ENPP6: variants seen among roughly 807,000 people sequenced by gnomAD.
ENPP6 encodes glycerophosphocholine cholinephosphodiesterase ENPP6.
In ENPP6, 32 loss-of-function variants were observed where a neutral mutation model predicts 42.0. The observed-to-expected ratio is 0.76, with a 90% CI of 0.58 to 1.02. ENPP6 has a LOEUF of 1.02. Ranked by LOEUF, ENPP6 falls within the 50% of genes least tolerant of loss-of-function variation. The probability of loss-of-function intolerance (pLI) is 0.00; values close to 1 mark genes in which losing one functional copy is unlikely to be tolerated. For missense variants in ENPP6, 552 were observed against 566.8 expected, an observed-to-expected ratio of 0.97 and a Z score of 0.27; for synonymous variants, 213 against 216.0, an observed-to-expected ratio of 0.99 and a Z score of 0.12.
chr4:184,116,988 G>A lies in ENPP6; in HGVS notation c.723C>T (p.His241=), dbSNP rs763148512. ...DRLNVIIFSD[H]GMTDIFWMDK... is the part of the protein sequence containing the mutation. ...CCATCCAGAAAATGTCGGTCATTCC[G>A]TGATCCGAGAAAATAATGACGTTCA... Residue 241 remains histidine, a synonymous_variant, in exon 5 of 8, where the codon CAC becomes CAT. Coordinates refer to ENST00000296741, the MANE Select transcript of ENPP6 (RefSeq NM_153343.4). 21 of 1,614,050 alleles carry A rather than the reference G, an allele frequency of 1.3e-5. No homozygotes were observed. The highest frequency in any genetic ancestry group is 1.6e-4 in the Middle Eastern group (1 of 6,084).
intron 2 of ENPP6, among the ~76,000 whole-genome samples, chr4:184,131,140 ACTTTCTTT>A (rs1171459794): frequency 0.018 from 2,238 of 121,670 alleles, 68 homozygotes; most frequent in African/African-American, 0.022. Flanking sequence ...ACCAGCACTT[ACTTTCTTT>A]CTTTCTTTCT....
intron 6 of ENPP6, among the ~76,000 whole-genome samples, chr4:184,107,290 G>A (rs1334961184): frequency 6.6e-6 from 1 of 152,264 alleles, no homozygotes; most frequent in Non-Finnish European, 1.5e-5. Flanking sequence ...TGGCTGGGGT[G>A]ACGGGCTCAG....
intron 1 of ENPP6, among the ~76,000 whole-genome samples, chr4:184,206,440 T>C (rs530129057): frequency 7.6e-6 from 1 of 132,340 alleles, no homozygotes; most frequent in Admixed American, 7.8e-5. Flanking sequence ...GTATTTTTAG[T>C]AGAGACGGGG....
intron 1 of ENPP6, among the ~76,000 whole-genome samples, chr4:184,182,452 C>T (rs59518043): frequency 0.049 from 7,427 of 152,140 alleles, 539 homozygotes; most frequent in African/African-American, 0.17. Flanking sequence ...GATAGTGTGG[C>T]GATTCTCCAA....
intron 1 of ENPP6, among the ~76,000 whole-genome samples, chr4:184,180,371 T>C (rs1732532736): frequency 6.6e-6 from 1 of 151,874 alleles, no homozygotes; most frequent in Non-Finnish European, 1.5e-5. Context: ...TAATAAATAA[T>C]CCACCAACCA....
intron 2 of ENPP6, among the ~76,000 whole-genome samples, chr4:184,141,932 G>A (rs780924611): frequency 6.6e-6 from 1 of 152,050 alleles, no homozygotes; most frequent in Admixed American, 6.5e-5. Context: ...CAATACGGAC[G>A]ATGCCCCCCA....
At chr4:184,131,222 C>CTT (rs879391963) in intron 2 of ENPP6, among the ~76,000 whole-genome samples, 1 of 79,734 alleles carries the variant, frequency 1.3e-5, no homozygotes, top group Non-Finnish European at 2.5e-5. Context: ...CTTTCTTTTT[C>CTT]TTTCTTTCTT....
At chr4:184,173,836 A>G (rs1393253753) in intron 1 of ENPP6, among the ~76,000 whole-genome samples, 2 of 152,220 alleles carry the variant, frequency 1.3e-5, no homozygotes, top group African/African-American at 2.4e-5. Flanking sequence ...AGCCCTGGGC[A>G]TAAGAGAAGA....
chr4:184,172,862 C>T (rs1018268789), intron 1 of ENPP6, among the ~76,000 whole-genome samples: 3 of 151,970 alleles, frequency 2.0e-5, no homozygotes, highest in African/African-American at 7.2e-5. Context: ...ATTCGTTCAC[C>T]GTCTGTGGGA....
intron 2 of ENPP6, among the ~76,000 whole-genome samples, chr4:184,134,976 T>C (rs1560988802): frequency 6.6e-6 from 1 of 152,138 alleles, no homozygotes; most frequent in East Asian, 1.9e-4. Context: ...AGGAGTTATT[T>C]AGAGGTCTGG....
chr4:184,158,689 C>T (rs1028784024), intron 1 of ENPP6, among the ~76,000 whole-genome samples: 4 of 152,112 alleles, frequency 2.6e-5, no homozygotes, highest in African/African-American at 9.7e-5. Context: ...GAATTGTTAT[C>T]TTCTTTCTAA....
chr4:184,136,257 A>G (rs1047151370), intron 2 of ENPP6, among the ~76,000 whole-genome samples: 1 of 151,804 alleles, frequency 6.6e-6, no homozygotes, highest in African/African-American at 2.4e-5. Flanking sequence ...TCATTCCACA[A>G]CTTCCCAGAA....
At chr4:184,102,494 C>T (rs1736022383) in intron 6 of ENPP6, among the ~76,000 whole-genome samples, 1 of 152,208 alleles carries the variant, frequency 6.6e-6, no homozygotes, top group Non-Finnish European at 1.5e-5. Context: ...TATTTCTCTC[C>T]ACCATATACA....
At chr4:184,113,915 C>A (rs905379521) in intron 5 of ENPP6, among the ~76,000 whole-genome samples, 5 of 127,338 alleles carry the variant, frequency 3.9e-5, no homozygotes, top group Non-Finnish European at 6.8e-5. Flanking sequence ...TTCTTTCTTT[C>A]TTTCTTTCTT....
In ENPP6 at chr4:184,117,017, G is replaced by T; in HGVS notation, c.694C>A (p.Arg232Ser). ...TCCGAGAAAATAATGACGTTCAGGC[G>T]GTCCTGCAGGCCCCGCTCCTGTGGG... ...KWIQERGLQD[R>S]LNVIIFSDHG... is the part of the protein sequence containing the mutation. The change falls in exon 5 of 8, where the codon CGC becomes AGC. Residue 232 changes from arginine (R) to serine (S), a missense_variant. By Grantham distance (110) the Arg-to-Ser change is moderately radical (BLOSUM62 -1). Around this residue, in one of 2 missense-constraint regions of ENPP6, gnomAD observed 545 missense variants for 546.3 expected, o/e 1.00. Transcript: ENST00000296741. 1 of 1,614,186 alleles carries T rather than the reference G, an allele frequency of 6.2e-7. No individual in the cohort carries two copies. Among genetic ancestry groups the T allele is most frequent in the South Asian group, 1.1e-5 (1 of 91,074 alleles).
intron 2 of ENPP6, among the ~76,000 whole-genome samples, chr4:184,152,084 C>T (rs1737060741): frequency 6.6e-6 from 1 of 152,192 alleles, no homozygotes; most frequent in South Asian, 2.1e-4. Context: ...GTCTTTGTTG[C>T]TTGGCCCAGC....
rs1336756414 is a variant in ENPP6, at chr4:184,146,028, T to TC, written c.421+7525_421+7526insG. Among the ~76,000 whole-genome samples, 24 of 151,520 alleles carry TC rather than the reference T, an allele frequency of 1.6e-4. 1 individual carries two copies. Among genetic ancestry groups the TC allele is most frequent in the African/African-American group, 5.3e-4 (22 of 41,486 alleles). The stretch of plus-strand genomic sequence containing the variant: ...GATTTTAAGTTTTTCTTTTTCTTTT[T>TC]TTTTTTTTTGGTTTAGTTTGTCTGC... On this transcript the variant is annotated intron_variant, in intron 2 of 7. Coordinates refer to ENST00000296741, the MANE Select transcript of ENPP6 (RefSeq NM_153343.4).
chr4:184,139,575 G>T (rs13136487), intron 2 of ENPP6, among the ~76,000 whole-genome samples: 86,610 of 137,256 alleles, frequency 0.63, 27,580 homozygotes, highest in Non-Finnish European at 0.67. Context: ...TGTTCTCGTT[G>T]TTCAATTCCC....
rs531773919 is a variant in ENPP6 at position 184,178,552 on chromosome 4, C to G, written c.242-24819G>C. ...GTAAGATACTCCATGAGAAGATCAACCAACCCTAAGACACATAATCATCAG... is the reference window on the plus strand; with the variant it reads ...GTAAGATACTCCATGAGAAGATCAAGCAACCCTAAGACACATAATCATCAG... On this transcript the variant is annotated intron_variant, in intron 1 of 7. Transcript: ENST00000296741. 7.2e-5 allele frequency among the ~76,000 whole-genome samples: 11 copies of G among 152,216 alleles called. No homozygotes were observed. In the South Asian group the frequency reaches 2.3e-3, roughly 32 times the overall value.
Sources: gnomAD v4.1 joint callset for allele counts (sites outside exome capture counted in the v4.1 genomes callset) on GRCh38, gnomAD v4.1.1 for gene constraint, gnomAD v4.1.1 regional missense constraint, MANE v1.5 for transcripts, NCBI Gene and HGNC (gene_info 2026-07-23, HGNC 2026-07-21) for gene names.